LRRC4C: variants seen among roughly 807,000 people sequenced by gnomAD.
LRRC4C encodes leucine-rich repeat-containing protein 4C.
Under a neutral mutation model 33.6 loss-of-function variants are expected in LRRC4C, and 5 were observed. The observed-to-expected ratio is 0.15, with a 90% confidence interval of 0.08 to 0.31. The LOEUF is 0.31. LRRC4C is among the 10% of genes least tolerant of loss of function. The pLI is 1.00. For missense variants in LRRC4C, 560 were observed against 796.7 expected (o/e 0.70, Z 3.58); for synonymous variants, 329 against 302.0 (o/e 1.09, Z -0.93).
intron 1 of LRRC4C, among the ~76,000 whole-genome samples, chr11:41,388,144 G>A (rs552739931): frequency 6.6e-6 from 1 of 151,734 alleles, no homozygotes; most frequent in African/African-American, 2.4e-5. Flanking sequence ...AAAAAGATAG[G>A]CTTACACATC....
intron 1 of LRRC4C, among the ~76,000 whole-genome samples, chr11:41,114,766 CTTAG>C (rs1215688435): frequency 6.6e-6 from 1 of 152,062 alleles, no homozygotes; most frequent in Non-Finnish European, 1.5e-5. Flanking sequence ...ACATTTAAAA[CTTAG>C]TTCAGCTACG....
rs372144742 is a variant in LRRC4C, at chr11:41,353,091, T to C, written c.-496+106340A>G. ...ACTAAAGATCAATAAAACCAAAAGT[T>C]GGTACTTTGAAAGAATAAATAAGAT... On this transcript the variant is annotated intron_variant, in intron 1 of 6. Coordinates refer to ENST00000528697, the MANE Select transcript of LRRC4C (RefSeq NM_001258419.2). 5.3e-5 allele frequency among the ~76,000 whole-genome samples: 8 copies of C among 151,928 alleles called. No homozygotes were observed. In the East Asian group the frequency reaches 1.4e-3, roughly 26 times the overall value.
chr11:40,255,353 T>C (rs1194174061), intron 4 of LRRC4C, among the ~76,000 whole-genome samples: 1 of 152,154 alleles, frequency 6.6e-6, no homozygotes, highest in Non-Finnish European at 1.5e-5. Context: ...CCTGACATGT[T>C]TGAGAAACAC....
At chr11:40,319,352 G>A (rs921200887) in intron 4 of LRRC4C, among the ~76,000 whole-genome samples, 3 of 152,044 alleles carry the variant, frequency 2.0e-5, no homozygotes, top group Non-Finnish European at 4.4e-5. Flanking sequence ...AATTTCACAG[G>A]GCAGGCTGCC....
intron 1 of LRRC4C, among the ~76,000 whole-genome samples, chr11:41,457,520 T>G (rs1459206724): frequency 2.0e-5 from 3 of 152,140 alleles, no homozygotes; most frequent in African/African-American, 7.2e-5. Context: ...TATTCATATA[T>G]TATTCTCACT....
At chr11:41,398,423 C>T (rs1953902753) in intron 1 of LRRC4C, among the ~76,000 whole-genome samples, 1 of 151,996 alleles carries the variant, frequency 6.6e-6, no homozygotes, top group South Asian at 2.1e-4. Context: ...TTGAAACTTC[C>T]TTTCAGTTAA....
At position 40,171,081 on chromosome 11, in the gene LRRC4C, C is replaced by T. The variant is rs180725531; in HGVS notation, c.-95-30228G>A. Among the ~76,000 whole-genome samples, 17 of 151,864 alleles carry T rather than the reference C, an allele frequency of 1.1e-4. No homozygotes were observed. The East Asian group carries it at 2.3e-3, about 21-fold the overall frequency. On this transcript the variant is annotated intron_variant, in intron 5 of 6. Transcript: ENST00000528697. ...TGAATTAGACTTTTCAGTTAAGAAA[C>T]GTAACAATACCTTATATTAAAAAGA...
intron 4 of LRRC4C, among the ~76,000 whole-genome samples, chr11:40,317,662 T>G (rs1332747627): frequency 2.0e-5 from 3 of 152,136 alleles, no homozygotes; most frequent in Admixed American, 1.3e-4. Flanking sequence ...CTTCCTGAGA[T>G]CACCTTCTCA....
At chr11:40,718,175 G>A (rs1231562135) in intron 2 of LRRC4C, among the ~76,000 whole-genome samples, 1 of 152,118 alleles carries the variant, frequency 6.6e-6, no homozygotes, top group Non-Finnish European at 1.5e-5. Flanking sequence ...ATAACACAGG[G>A]CAGTGGCCGT....
chr11:40,891,396 C>T (rs1415648827), intron 2 of LRRC4C, among the ~76,000 whole-genome samples: 3 of 152,118 alleles, frequency 2.0e-5, no homozygotes, highest in Admixed American at 2.0e-4. Context: ...GTTTGTCACA[C>T]CCAAAGCAAT....
At chr11:40,393,299 T>A (rs1005276352) in intron 3 of LRRC4C, among the ~76,000 whole-genome samples, 1 of 152,192 alleles carries the variant, frequency 6.6e-6, no homozygotes, top group African/African-American at 2.4e-5. Flanking sequence ...ATGCTTTCAT[T>A]ACAAATCATT....
intron 1 of LRRC4C, among the ~76,000 whole-genome samples, chr11:41,068,653 G>T (rs1024549030): frequency 6.6e-6 from 1 of 151,678 alleles, no homozygotes; most frequent in South Asian, 2.1e-4. Context: ...ATACACCCTC[G>T]CATACTTATT....
intron 2 of LRRC4C, among the ~76,000 whole-genome samples, chr11:40,678,685 G>A (rs1175640076): frequency 6.6e-6 from 1 of 152,092 alleles, no homozygotes; most frequent in East Asian, 1.9e-4. Context: ...CAAGTTCTTT[G>A]CCCGCCGCCA....
chr11:40,178,256 A>C (rs890319138), intron 5 of LRRC4C, among the ~76,000 whole-genome samples: 3 of 152,240 alleles, frequency 2.0e-5, no homozygotes, highest in African/African-American at 7.2e-5. Flanking sequence ...ATATTTGAGC[A>C]AATAGATAGG....
At chr11:41,352,334 A>G (rs1455751029) in intron 1 of LRRC4C, among the ~76,000 whole-genome samples, 1 of 152,234 alleles carries the variant, frequency 6.6e-6, no homozygotes, top group Non-Finnish European at 1.5e-5. Context: ...CTAAATATTT[A>G]TGTACCCAAC....
intron 1 of LRRC4C, among the ~76,000 whole-genome samples, chr11:41,046,268 T>C (rs1228951041): frequency 6.6e-6 from 1 of 152,166 alleles, no homozygotes; most frequent in Admixed American, 6.5e-5. Flanking sequence ...ACAAGGTAAG[T>C]ATCATTGCCT....
intron 3 of LRRC4C, among the ~76,000 whole-genome samples, chr11:40,333,127 CA>C (rs1693509995): frequency 1.3e-5 from 2 of 151,936 alleles, no homozygotes; most frequent in Non-Finnish European, 2.9e-5. Context: ...TGAAGGCCAC[CA>C]AAAATATCTC....
chr11:40,675,818 T>C (rs1027240702), intron 2 of LRRC4C, among the ~76,000 whole-genome samples: 3 of 152,224 alleles, frequency 2.0e-5, no homozygotes, highest in African/African-American at 7.2e-5. Flanking sequence ...TAAAGTTTTT[T>C]TGGAACAGGA....
chr11:40,457,800 A>G (rs1177890104), intron 3 of LRRC4C, among the ~76,000 whole-genome samples: 1 of 152,170 alleles, frequency 6.6e-6, no homozygotes, highest in Non-Finnish European at 1.5e-5. Flanking sequence ...CCTTCAATTA[A>G]GTTGACTATT....
Sources: allele counts gnomAD v4.1 joint callset (sites outside exome capture counted in the v4.1 genomes callset), GRCh38; gene constraint gnomAD v4.1.1; transcripts MANE v1.5; gene names NCBI Gene and HGNC (gene_info 2026-07-23, HGNC 2026-07-21).